Variants in DNM3 observed in about 807,000 individuals in gnomAD.
DNM3 encodes the protein dynamin-3.
DNM3 carries 47 observed loss-of-function variants against 101.6 expected under a neutral mutation model. The ratio of observed to expected loss-of-function variants is 0.46; its 90% CI spans 0.37 to 0.59. The LOEUF is 0.59. Ranked by LOEUF, DNM3 falls within the 20% of genes least tolerant of loss-of-function variation. The pLI is 0.00. For missense variants in DNM3, 849 were observed against 1,085.7 expected, an observed-to-expected ratio of 0.78 and a Z score of 3.06; for synonymous variants, 385 against 387.9, an observed-to-expected ratio of 0.99 and a Z score of 0.09.
rs146541712 is a variant in DNM3 at position 171,990,510 on chromosome 1, G to A, written c.589+1362G>A. ...TGGGTCAGGGGATGGAGTGGGAGGA[G>A]GATGGTTCTCACTATTCAGTGTGTA... On this transcript the variant is annotated intron_variant, in intron 4 of 20. Coordinates refer to ENST00000627582, the MANE Select transcript of DNM3 (RefSeq NM_015569.5). 1.9e-4 allele frequency among the ~76,000 whole-genome samples: 29 copies of A among 152,204 alleles called. No individual in the cohort carries two copies. The East Asian group carries it at 5.4e-3, about 28-fold the overall frequency.
chr1:172,089,875 A>G (rs1345094133), intron 12 of DNM3, among the ~76,000 whole-genome samples: 1 of 152,184 alleles, frequency 6.6e-6, no homozygotes, highest in Non-Finnish European at 1.5e-5. Context: ...AAAGGAACCT[A>G]AGAAACAACT....
At chr1:172,296,617 T>C (rs1030106178) in intron 15 of DNM3, among the ~76,000 whole-genome samples, 1 of 152,218 alleles carries the variant, frequency 6.6e-6, no homozygotes, top group African/African-American at 2.4e-5. Context: ...GTGACCTTCT[T>C]TTCCACCATC....
chr1:172,330,984 T>A (rs10489287), intron 17 of DNM3, among the ~76,000 whole-genome samples: 2 of 151,966 alleles, frequency 1.3e-5, no homozygotes, highest in Non-Finnish European at 2.9e-5. Context: ...TCTTTTCCGT[T>A]TACTCTGCCT....
chr1:172,161,787 A>G (rs2058555211), intron 14 of DNM3, among the ~76,000 whole-genome samples: 1 of 152,090 alleles, frequency 6.6e-6, no homozygotes, highest in Non-Finnish European at 1.5e-5. Context: ...GAGGTAAAAT[A>G]AACAAACTAG....
intron 16 of DNM3, among the ~76,000 whole-genome samples, chr1:172,319,980 G>C (rs377015715): frequency 0.084 from 12,555 of 150,214 alleles, 699 homozygotes; most frequent in African/African-American, 0.15. Context: ...TTGGAACCAA[G>C]CCAAATGTCC....
chr1:171,908,955 G>T (rs2039058558), intron 1 of DNM3, among the ~76,000 whole-genome samples: 1 of 151,520 alleles, frequency 6.6e-6, no homozygotes, highest in Non-Finnish European at 1.5e-5. Context: ...CTGCCTTTCT[G>T]CCTCCTTCCT....
intron 14 of DNM3, among the ~76,000 whole-genome samples, chr1:172,151,786 T>C (rs530739777): frequency 1.3e-3 from 191 of 152,266 alleles, no homozygotes; most frequent in Non-Finnish European, 2.5e-3. Flanking sequence ...CAGGGTCTCA[T>C]GAAGTTAGTA....
intron 15 of DNM3, among the ~76,000 whole-genome samples, chr1:172,254,963 A>T (rs1992550): frequency 0.36 from 55,363 of 152,074 alleles, 12,446 homozygotes; most frequent in Non-Finnish European, 0.47. Flanking sequence ...GCTGCCTTTT[A>T]TCTTTATTTA....
intron 15 of DNM3, among the ~76,000 whole-genome samples, chr1:172,308,060 A>T (rs1266228354): frequency 6.6e-6 from 1 of 152,146 alleles, no homozygotes; most frequent in East Asian, 1.9e-4. Flanking sequence ...AAAGAAGGTT[A>T]TCTCTAGGCT....
At chr1:172,418,419 T>A (rs1209335376) in exon 21 of DNM3, 2 of 1,000,580 alleles carry the variant, frequency 2.0e-6, no homozygotes, top group Admixed American at 4.1e-5. Flanking sequence ...AAAACTTTTA[T>A]TTTTCATCCA....
At chr1:172,339,096 CACT>C in intron 17 of DNM3, 1 of 481,068 alleles carries the variant, frequency 2.1e-6, no homozygotes, top group South Asian at 1.5e-5. Flanking sequence ...GGGAACATCT[CACT>C]GTGAAATATT....
intron 14 of DNM3, among the ~76,000 whole-genome samples, chr1:172,145,426 C>G (rs1053724602): frequency 6.7e-6 from 1 of 148,756 alleles, no homozygotes; most frequent in Non-Finnish European, 1.5e-5. Context: ...CTCCTTCTCT[C>G]TCTCCCTCCT....
At chr1:171,963,746 A>G (rs1255243094) in intron 2 of DNM3, among the ~76,000 whole-genome samples, 2 of 148,718 alleles carry the variant, frequency 1.3e-5, no homozygotes, top group Non-Finnish European at 3.0e-5. Flanking sequence ...GATATTATAT[A>G]TATTATCTCT....
At position 172,410,537 on chromosome 1, in the gene DNM3, T is replaced by G; in HGVS notation, c.*2696T>G. 1.0e-6 allele frequency: 1 copy of G among 983,842 alleles called. No individual in the cohort carries two copies. Among genetic ancestry groups the G allele is most frequent in the Non-Finnish European group, 1.2e-6 (1 of 828,454 alleles). 60.9% of individuals were successfully genotyped at this position (983,842 alleles called of 1,614,324 possible). On this transcript the variant is annotated 3_prime_UTR_variant, in exon 21 of 21. Coordinates refer to ENST00000627582, the MANE Select transcript of DNM3 (RefSeq NM_015569.5). ...CACATGCTAAATATTGCATGCATAT[T>G]GACTAATTGGAATAACCATTTACTC...
intron 2 of DNM3, among the ~76,000 whole-genome samples, chr1:171,957,798 T>C (rs1296376689): frequency 6.6e-6 from 1 of 152,150 alleles, no homozygotes; most frequent in Non-Finnish European, 1.5e-5. Flanking sequence ...CTGGATTTCA[T>C]TGTCTGCATT....
In DNM3 at chr1:172,408,470, T is replaced by C; in HGVS notation, c.*629T>C. On this transcript the variant is annotated 3_prime_UTR_variant, in exon 21 of 21. Transcript: ENST00000627582. ...TCTAAAGAGCTTCTCCTCATTCCAATGTGTTTTGCTTCATGCTAGAAGCAT... is the reference window on the plus strand; with the variant it reads ...TCTAAAGAGCTTCTCCTCATTCCAACGTGTTTTGCTTCATGCTAGAAGCAT... 1.0e-6 allele frequency: 1 copy of C among 985,398 alleles called. No individual in the cohort carries two copies. The highest frequency in any genetic ancestry group is 1.2e-6 in the Non-Finnish European group (1 of 829,906). 61.0% of individuals were successfully genotyped at this position (985,398 alleles called of 1,614,324 possible). A position where few individuals can be genotyped will look rare whatever the true frequency, so the allele number is the denominator to read the frequency against.
At chr1:171,864,939 T>C (rs960473278) in intron 1 of DNM3, among the ~76,000 whole-genome samples, 1 of 152,148 alleles carries the variant, frequency 6.6e-6, no homozygotes, top group East Asian at 1.9e-4. Context: ...TGTTTTGTAA[T>C]GAAATTAATC....
chr1:172,138,249 C>T (rs530699557), intron 14 of DNM3: 7 of 150,076 alleles, frequency 4.7e-5, no homozygotes, highest in South Asian at 2.1e-4. Flanking sequence ...CCCAGACTGG[C>T]AGAGTTAACC....
At chr1:172,336,723 C>A (rs1432772238) in intron 17 of DNM3, among the ~76,000 whole-genome samples, 2 of 150,896 alleles carry the variant, frequency 1.3e-5, no homozygotes, top group East Asian at 1.9e-4. Flanking sequence ...AAAAGTCCCT[C>A]CTCTCAGATA....
Sources: gnomAD v4.1 joint callset for allele counts (sites outside exome capture counted in the v4.1 genomes callset) on GRCh38, gnomAD v4.1.1 for gene constraint, MANE v1.5 for transcripts, NCBI Gene and HGNC (gene_info 2026-07-23, HGNC 2026-07-21) for gene names.